The following PRKN variants were observed in gnomAD, a reference collection of about 807,000 sequenced individuals.
PRKN encodes parkin RBR E3 ubiquitin protein ligase, also known as E3 ubiquitin-protein ligase parkin.
Under a neutral mutation model 59.5 loss-of-function variants are expected in PRKN, and 56 were observed. The ratio of observed to expected loss-of-function variants is 0.94; its 90% CI spans 0.76 to 1.18. PRKN has a LOEUF of 1.18. Ranked by LOEUF, PRKN falls within the 50% of genes most tolerant of loss-of-function variation. The pLI, the probability that PRKN is intolerant of heterozygous loss-of-function variation, is 0.00. For synonymous variants in PRKN, 250 were observed against 222.1 expected (o/e 1.13, Z -1.12); for missense variants, 657 against 596.4 (o/e 1.10, Z -1.06).
intron 7 of PRKN, among the ~76,000 whole-genome samples, chr6:161,697,130 T>C (rs1786054330): frequency 6.6e-6 from 1 of 152,194 alleles, no homozygotes. Flanking sequence ...AGTAGCCTGT[T>C]AGTCCCTTAG....
chr6:162,171,597 C>CAA (rs1783279120), intron 4 of PRKN, among the ~76,000 whole-genome samples: 2 of 152,022 alleles, frequency 1.3e-5, no homozygotes, highest in Non-Finnish European at 2.9e-5. Flanking sequence ...AAATCAGGGT[C>CAA]TTTTAGTTTC....
chr6:161,586,463 T>C (rs1583262952), intron 7 of PRKN, among the ~76,000 whole-genome samples: 1 of 152,340 alleles, frequency 6.6e-6, no homozygotes, highest in Non-Finnish European at 1.5e-5. Context: ...CCAGTCCTCA[T>C]GATGCAAGCG....
At chr6:162,062,911 G>A (rs1778158006) in intron 4 of PRKN, among the ~76,000 whole-genome samples, 1 of 152,014 alleles carries the variant, frequency 6.6e-6, no homozygotes, top group Admixed American at 6.6e-5. Flanking sequence ...CAATAAAGTG[G>A]GTAAGGAAAA....
intron 5 of PRKN, among the ~76,000 whole-genome samples, chr6:161,974,045 T>G (rs1400493895): frequency 6.6e-6 from 1 of 152,146 alleles, no homozygotes; most frequent in Non-Finnish European, 1.5e-5. Flanking sequence ...GGCGGGCGGA[T>G]CACCTGGGGT....
intron 3 of PRKN, among the ~76,000 whole-genome samples, chr6:162,259,537 G>GT (rs1779797443): frequency 6.6e-6 from 1 of 152,194 alleles, no homozygotes; most frequent in Non-Finnish European, 1.5e-5. Context: ...CTCTGCTCTA[G>GT]TAACTTTACG....
At chr6:161,449,912 C>A (rs75669626) in intron 9 of PRKN, among the ~76,000 whole-genome samples, 1 of 152,210 alleles carries the variant, frequency 6.6e-6, no homozygotes, top group African/African-American at 2.4e-5. Flanking sequence ...ATGACCCCCA[C>A]ACCCACCCAC....
chr6:162,304,277 G>GT (rs1272985807), intron 2 of PRKN, among the ~76,000 whole-genome samples: 4 of 150,260 alleles, frequency 2.7e-5, no homozygotes, highest in African/African-American at 7.4e-5. Flanking sequence ...TATTTATGCT[G>GT]TTTTTTTCTC....
In PRKN at chr6:162,011,457, A is replaced by ATATTATATATTATAATATATAATATAT. The variant is rs1256107727; in HGVS notation, c.619-38041_619-38040insATATATTATATATTATAATATATAATA. On this transcript the variant is annotated intron_variant, in intron 5 of 11. Transcript: ENST00000366898. ...ATGTTATATATTTATAATATATAAT[A>ATATTATATATTATAATATATAATATAT]TATATATTATAATATATAATATATT... Among the ~76,000 whole-genome samples, 13 of 34,940 alleles carry ATATTATATATTATAATATATAATATAT rather than the reference A, an allele frequency of 3.7e-4. 2 individuals carry two copies. Among genetic ancestry groups the ATATTATATATTATAATATATAATATAT allele is most frequent in the African/African-American group, 2.1e-3 (13 of 6,286 alleles). 22.9% of individuals were successfully genotyped at this position (34,940 alleles called of 152,430 possible).
In PRKN at chr6:161,473,696, C is replaced by CA. The variant is rs530660579; in HGVS notation, c.1083+75157dup. 4.5e-3 allele frequency among the ~76,000 whole-genome samples: 687 copies of CA among 151,650 alleles called. 3 individuals carry two copies. The highest frequency in any genetic ancestry group is 0.015 in the African/African-American group (639 of 41,376). On this transcript the variant is annotated intron_variant, in intron 9 of 11. Coordinates refer to ENST00000366898, the MANE Select transcript of PRKN (RefSeq NM_004562.3). The surrounding 1 kb of genome is among the most constrained non-coding windows in gnomAD (Gnocchi z 4.1). ...TATAATATTGTATAATGAAAATTTG[C>CA]AAAAAAGTAGATTTTAGGTGCTATT...
chr6:162,677,228 T>A (rs1434357167), intron 1 of PRKN, among the ~76,000 whole-genome samples: 1 of 151,354 alleles, frequency 6.6e-6, no homozygotes, highest in African/African-American at 2.4e-5. Flanking sequence ...GTAAGCAGCA[T>A]CACCAAAAGA....
rs560039378 is a variant in PRKN at position 161,509,071 on chromosome 6, T to C, written c.1083+39783A>G. Among the ~76,000 whole-genome samples the C allele has an allele frequency of 4.6e-5, 7 of 152,306 alleles. No individual in the cohort carries two copies. In the East Asian group the frequency reaches 1.4e-3, roughly 29 times the overall value. On this transcript the variant is annotated intron_variant, in intron 9 of 11. Coordinates refer to ENST00000366898, the MANE Select transcript of PRKN (RefSeq NM_004562.3). The stretch of plus-strand genomic sequence containing the variant: ...GTTGGTCAGGCTAGTCTCGAACTCC[T>C]GACCTCAGGTGATCCGCCAGTCTTG...
intron 2 of PRKN, among the ~76,000 whole-genome samples, chr6:162,284,681 C>T (rs1781101279): frequency 6.6e-6 from 1 of 152,138 alleles, no homozygotes; most frequent in African/African-American, 2.4e-5. Context: ...GAATATTGGA[C>T]AACTCAGGTC....
At chr6:161,906,659 C>CATTTATATATATATATATATAT (rs1778154692) in intron 6 of PRKN, among the ~76,000 whole-genome samples, 1 of 116,588 alleles carries the variant, frequency 8.6e-6, no homozygotes, top group South Asian at 2.5e-4. Context: ...ATAGAACATA[C>CATTTATATATATATATATATAT]ATATATATAT....
chr6:162,714,120 G>T (rs1211361168), intron 1 of PRKN, among the ~76,000 whole-genome samples: 1 of 152,178 alleles, frequency 6.6e-6, no homozygotes, highest in Non-Finnish European at 1.5e-5. Flanking sequence ...CATCCTCATG[G>T]GTAAGTGAGG....
intron 3 of PRKN, among the ~76,000 whole-genome samples, chr6:162,205,036 T>C (rs1347351947): frequency 6.6e-6 from 1 of 151,902 alleles, no homozygotes; most frequent in East Asian, 1.9e-4. Flanking sequence ...CTAATTTTGG[T>C]ATTTTTAGTA....
Position 161,372,333 on chromosome 6 carries a change from G to A in PRKN, c.1168-12128C>T, listed in dbSNP as rs938174952. Reference sequence around the variant, plus strand: ...TGACCAAAATTATCCACATAGATGGGATTCTGAATGCGGAATCATCACTAA... The same window carrying A: ...TGACCAAAATTATCCACATAGATGGAATTCTGAATGCGGAATCATCACTAA... On this transcript the variant is annotated intron_variant, in intron 10 of 11. Transcript: ENST00000366898. The surrounding 1 kb of genome is among the most constrained non-coding windows in gnomAD (Gnocchi z 4.2). 6.6e-6 allele frequency among the ~76,000 whole-genome samples: 1 copy of A among 152,184 alleles called. No individual in the cohort carries two copies. Among genetic ancestry groups the A allele is most frequent in the Non-Finnish European group, 1.5e-5 (1 of 68,036 alleles).
At chr6:162,608,175 T>C (rs1257344690) in intron 1 of PRKN, among the ~76,000 whole-genome samples, 3 of 152,212 alleles carry the variant, frequency 2.0e-5, no homozygotes, top group Non-Finnish European at 2.9e-5. Context: ...ATTGAAGTTA[T>C]GGACCAGGGA....
chr6:162,648,506 C>A (rs866500966), intron 1 of PRKN, among the ~76,000 whole-genome samples: 3 of 151,932 alleles, frequency 2.0e-5, no homozygotes, highest in Non-Finnish European at 4.4e-5. Context: ...CTCAGCCTCC[C>A]GAGTAGCTGG....
intron 5 of PRKN, among the ~76,000 whole-genome samples, chr6:162,028,421 G>A (rs1783517178): frequency 6.6e-6 from 1 of 152,210 alleles, no homozygotes. Flanking sequence ...GGCAGGGGAA[G>A]ACAAGCTGCA....
Sources: allele counts gnomAD v4.1 joint callset (sites outside exome capture counted in the v4.1 genomes callset), GRCh38; gene constraint gnomAD v4.1.1; non-coding constraint Gnocchi (gnomAD v3.1); transcripts MANE v1.5; gene names NCBI Gene and HGNC (gene_info 2026-07-23, HGNC 2026-07-21).